CSMD3: variants seen among roughly 807,000 people sequenced by gnomAD.
CSMD3 encodes CUB and sushi domain-containing protein 3.
In CSMD3, 177 loss-of-function variants were observed where a neutral mutation model predicts 435.2. The ratio of observed to expected loss-of-function variants is 0.41; its 90% CI spans 0.36 to 0.46. The LOEUF (loss-of-function observed/expected upper bound fraction) is 0.46, where lower values mean the gene tolerates loss of function less well. Ranked by LOEUF, CSMD3 falls within the 20% of genes least tolerant of loss-of-function variation. The probability of loss-of-function intolerance (pLI) is 0.34; values close to 1 mark genes in which losing one functional copy is unlikely to be tolerated. For missense variants in CSMD3, 4,265 were observed against 4,504.6 expected (o/e 0.95, Z 1.52); for synonymous variants, 1,656 against 1,520.5 (o/e 1.09, Z -2.07).
rs548386612 is a variant in CSMD3 at position 112,235,414 on chromosome 8, AAACAAC to A, written c.10628-943_10628-938del. 4.6e-5 allele frequency among the ~76,000 whole-genome samples: 7 copies of A among 151,986 alleles called. No individual in the cohort carries two copies. In the South Asian group the frequency reaches 1.5e-3, roughly 32 times the overall value. ...AAACAAAAAACAAAAAACAAAAACA[AAACAAC>A]AACAACAACAACAAAAAACAGCATT... is the stretch of plus-strand genomic sequence containing the variant. On this transcript the variant is annotated intron_variant, in intron 67 of 70. Transcript: ENST00000297405.
At chr8:113,153,422 A>G (rs1013621190) in intron 4 of CSMD3, among the ~76,000 whole-genome samples, 1 of 152,042 alleles carries the variant, frequency 6.6e-6, no homozygotes, top group Non-Finnish European at 1.5e-5. Flanking sequence ...GGAACAAACA[A>G]TGATTGCTTT....
At chr8:113,201,303 A>G (rs1028744177) in intron 3 of CSMD3, among the ~76,000 whole-genome samples, 1 of 151,924 alleles carries the variant, frequency 6.6e-6, no homozygotes, top group Non-Finnish European at 1.5e-5. Context: ...TTTATAATAT[A>G]TGTCCTCATA....
intron 13 of CSMD3, among the ~76,000 whole-genome samples, chr8:112,705,115 C>T (rs186405825): frequency 1.2e-4 from 18 of 152,108 alleles, no homozygotes; most frequent in Middle Eastern, 3.4e-3. Flanking sequence ...TGAAGTAGTT[C>T]GGGACATGCT....
chr8:113,092,077 A>G (rs1051663224), intron 5 of CSMD3, among the ~76,000 whole-genome samples: 2 of 152,042 alleles, frequency 1.3e-5, no homozygotes, highest in African/African-American at 4.8e-5. Flanking sequence ...TCTTTGATAA[A>G]CAGTCTTTGT....
At chr8:113,152,129 A>C (rs968477409) in intron 4 of CSMD3, among the ~76,000 whole-genome samples, 3 of 151,930 alleles carry the variant, frequency 2.0e-5, no homozygotes, top group African/African-American at 4.8e-5. Context: ...CTTAATCCTC[A>C]GACACTCTGA....
In CSMD3 at chr8:112,527,173, C is replaced by T. The variant is rs1230947542; in HGVS notation, c.4565-9948G>A. Among the ~76,000 whole-genome samples, 4 of 151,424 alleles carry T rather than the reference C, an allele frequency of 2.6e-5. No individual in the cohort carries two copies. The East Asian group carries it at 7.7e-4, about 29-fold the overall frequency. On this transcript the variant is annotated intron_variant, in intron 27 of 70. Transcript: ENST00000297405. The stretch of plus-strand genomic sequence containing the variant: ...CAACTAAGGGAGAGAGATTTTCAAA[C>T]AATAAAAAATCAAGATGCAACCATA...
intron 5 of CSMD3, among the ~76,000 whole-genome samples, chr8:113,031,066 A>T (rs1028482405): frequency 6.6e-6 from 1 of 151,740 alleles, no homozygotes; most frequent in African/African-American, 2.4e-5. Flanking sequence ...TGGTATACCA[A>T]CACTGGAGAA....
At position 113,320,771 on chromosome 8, in the gene CSMD3, A is replaced by T. The variant is rs148693298; in HGVS notation, c.179-5978T>A. ...TTCTCCTAAAACCACTCCTTTACTA[A>T]ATTTCTGTCTTCATCTGTCTTCTCT... On this transcript the variant is annotated intron_variant, in intron 1 of 70. Transcript: ENST00000297405. Among the ~76,000 whole-genome samples, 327 of 152,062 alleles carry T rather than the reference A, an allele frequency of 2.2e-3. 3 individuals carry two copies. Among genetic ancestry groups the T allele is most frequent in the African/African-American group, 7.6e-3 (314 of 41,526 alleles).
chr8:113,304,936 TGTG>T (rs2093806743), intron 2 of CSMD3, among the ~76,000 whole-genome samples: 1 of 132,228 alleles, frequency 7.6e-6, no homozygotes, highest in Non-Finnish European at 1.6e-5. Flanking sequence ...AAAAAGAAAA[TGTG>T]GCACATATAC....
At chr8:112,486,624 C>G (rs1243770392) in intron 31 of CSMD3, among the ~76,000 whole-genome samples, 2 of 152,190 alleles carry the variant, frequency 1.3e-5, no homozygotes, top group South Asian at 2.1e-4. Flanking sequence ...TATGCTGAAC[C>G]CTAGTTGTGA....
At chr8:112,673,911 T>C (rs1416939819) in intron 16 of CSMD3, among the ~76,000 whole-genome samples, 1 of 152,032 alleles carries the variant, frequency 6.6e-6, no homozygotes, top group Non-Finnish European at 1.5e-5. Flanking sequence ...TAGAACATTC[T>C]AAAGTTGGTG....
intron 1 of CSMD3, among the ~76,000 whole-genome samples, chr8:113,370,748 T>C (rs529324700): frequency 7.9e-5 from 12 of 152,094 alleles, no homozygotes; most frequent in Middle Eastern, 3.4e-3. Context: ...TTGATATTCT[T>C]ACCCTATTAC....
intron 16 of CSMD3, among the ~76,000 whole-genome samples, chr8:112,676,748 A>G (rs2075778143): frequency 6.6e-6 from 1 of 152,078 alleles, no homozygotes. Context: ...ATTTATGTCC[A>G]ACTGTCTTGC....
At chr8:113,013,794 C>T (rs1482993352) in intron 6 of CSMD3, among the ~76,000 whole-genome samples, 2 of 152,064 alleles carry the variant, frequency 1.3e-5, no homozygotes, top group African/African-American at 2.4e-5. Context: ...ATCCATTCTG[C>T]CCTCATTCTA....
chr8:113,144,098 A>C (rs2131743531), intron 4 of CSMD3, among the ~76,000 whole-genome samples: 1 of 150,218 alleles, frequency 6.7e-6, no homozygotes, highest in African/African-American at 2.4e-5. Context: ...TATTTTTATT[A>C]TTATTTATTA....
At chr8:112,872,583 G>T (rs2081166969) in intron 10 of CSMD3, among the ~76,000 whole-genome samples, 1 of 151,828 alleles carries the variant, frequency 6.6e-6, no homozygotes, top group Admixed American at 6.6e-5. Context: ...CTAGTTCTTT[G>T]TTGTTTAAAA....
intron 41 of CSMD3, among the ~76,000 whole-genome samples, chr8:112,341,987 C>T (rs777340781): frequency 5.3e-5 from 8 of 152,144 alleles, no homozygotes; most frequent in African/African-American, 1.2e-4. Context: ...TTCTTTAATA[C>T]GCTTTAAATT....
rs369692690 is a variant in CSMD3 at position 112,313,972 on chromosome 8, C to T, written c.7630G>A (p.Glu2544Lys). The part of the protein sequence containing the change: ...SAFNITSNGH[E>K]VFLQWSADHG... ...TCTGCTGACCACTGAAGAAATACTTCATGACCATTGCTTGTTATATTAAAA... is the reference window on the plus strand; with the variant it reads ...TCTGCTGACCACTGAAGAAATACTTTATGACCATTGCTTGTTATATTAAAA... The change falls in exon 49 of 71, where the codon GAA (glutamate) becomes AAA (lysine). Residue 2544 changes from glutamate to lysine, a missense_variant. Transcript: ENST00000297405. 3.7e-6 allele frequency: 6 copies of T among 1,611,438 alleles called. No homozygotes were observed. Among genetic ancestry groups the T allele is most frequent in the Non-Finnish European group, 5.1e-6 (6 of 1,177,964 alleles).
intron 27 of CSMD3, among the ~76,000 whole-genome samples, chr8:112,539,498 A>T (rs1048664230): frequency 6.6e-6 from 1 of 152,144 alleles, no homozygotes; most frequent in African/African-American, 2.4e-5. Flanking sequence ...GCTTAGTGGC[A>T]TCAAGCTATC....
Sources: allele counts gnomAD v4.1 joint callset (sites outside exome capture counted in the v4.1 genomes callset), GRCh38; gene constraint gnomAD v4.1.1; transcripts MANE v1.5; gene names NCBI Gene and HGNC (gene_info 2026-07-23, HGNC 2026-07-21).